MAP2: variants seen among roughly 807,000 people sequenced by gnomAD.
The protein encoded by MAP2 is microtubule associated protein 2.
MAP2 carries 14 observed loss-of-function variants against 137.6 expected under a neutral mutation model. The observed-to-expected ratio is 0.10, with a 90% CI of 0.07 to 0.16. The LOEUF is 0.16. MAP2 is among the 10% of genes least tolerant of loss of function. The pLI, the probability that MAP2 is intolerant of heterozygous loss-of-function variation, is 1.00. For synonymous variants in MAP2, 786 were observed against 782.3 expected, an observed-to-expected ratio of 1.00 and a Z score of -0.08; for missense variants, 2,088 against 2,191.5, an observed-to-expected ratio of 0.95 and a Z score of 0.94.
Position 209,705,686 on chromosome 2 carries a change from C to T in MAP2, c.4691C>T (p.Ser1564Phe). The T allele has an allele frequency of 1.2e-6, 2 of 1,613,208 alleles. No individual in the cohort carries two copies. Among genetic ancestry groups the T allele is most frequent in the South Asian group, 1.1e-5 (1 of 91,052 alleles). ...VSGDRDENSFSLNSSISSSAR... is the reference protein window; with the variant it reads ...VSGDRDENSFFLNSSISSSAR... ...GGAGACAGAGATGAGAATTCCTTCT[C>T]TCTCAACAGTTCTATCTCTTCTTCA... The change falls in exon 12 of 16, where the codon TCT becomes TTT. Residue 1564 changes from serine (S) to phenylalanine (F), a missense_variant. Transcript: ENST00000682079.
intron 11 of MAP2, among the ~76,000 whole-genome samples, chr2:209,702,069 T>A (rs2153737512): frequency 6.6e-6 from 1 of 152,250 alleles, no homozygotes; most frequent in South Asian, 2.1e-4. Context: ...TAATAGTTGT[T>A]AGTTATTATT....
rs1876796 is a variant in MAP2, at chr2:209,649,189, A to T, written c.-29-3953A>T. On this transcript the variant is annotated intron_variant, in intron 4 of 15. Coordinates refer to ENST00000682079, the MANE Select transcript of MAP2 (RefSeq NM_001375505.1). Reference sequence around the variant, plus strand: ...GCTGCACCCAGCTAATTAAAAAAAAATTTTTTTGTAGAGATGGGGGTCTCA... The same window carrying T: ...GCTGCACCCAGCTAATTAAAAAAAATTTTTTTTGTAGAGATGGGGGTCTCA... 1.1e-3 allele frequency among the ~76,000 whole-genome samples: 159 copies of T among 145,236 alleles called. No homozygotes were observed. The Middle Eastern group carries it at 0.014, about 13-fold the overall frequency.
intron 2 of MAP2, among the ~76,000 whole-genome samples, chr2:209,568,852 A>G (rs1417471734): frequency 4.0e-5 from 6 of 151,796 alleles, no homozygotes; most frequent in Non-Finnish European, 8.9e-5. Context: ...CTAAATAAAA[A>G]TTTTATTTAG....
chr2:209,701,020 A>G (rs1300395212), intron 11 of MAP2, among the ~76,000 whole-genome samples: 2 of 152,026 alleles, frequency 1.3e-5, no homozygotes, highest in Non-Finnish European at 2.9e-5. Context: ...TTTTGTTGGT[A>G]TTTTAACAAT....
chr2:209,483,477 G>C lies in MAP2; in HGVS notation c.-221-24115G>C, dbSNP rs2057981053. ...TAGACCCAGCTAGTCAAGAAGCTGA[G>C]GCTGGAGGATCCTTTGAGACTACTA... On this transcript the variant is annotated intron_variant, in intron 1 of 15. Transcript: ENST00000682079. Among the ~76,000 whole-genome samples the C allele has an allele frequency of 2.0e-5, 3 of 152,220 alleles. No individual in the cohort carries two copies. In the South Asian group the frequency reaches 6.2e-4, roughly 32 times the overall value.
chr2:209,603,053 C>A (rs1406511685), intron 3 of MAP2, among the ~76,000 whole-genome samples: 1 of 152,082 alleles, frequency 6.6e-6, no homozygotes, highest in African/African-American at 2.4e-5. Flanking sequence ...AGAGATAAAG[C>A]ATTCATAAGA....
chr2:209,651,876 T>G (rs1206537972), intron 4 of MAP2, among the ~76,000 whole-genome samples: 13 of 152,210 alleles, frequency 8.5e-5, no homozygotes, highest in Admixed American at 8.5e-4. Flanking sequence ...TGCTTGTTAG[T>G]AATCTGATGG....
chr2:209,463,733 A>G (rs1283593333), intron 1 of MAP2, among the ~76,000 whole-genome samples: 1 of 152,188 alleles, frequency 6.6e-6, no homozygotes, highest in African/African-American at 2.4e-5. Context: ...ACTGTTGCTA[A>G]AAGAAATCAT....
intron 11 of MAP2, among the ~76,000 whole-genome samples, chr2:209,703,000 C>T (rs985786161): frequency 1.3e-5 from 2 of 152,068 alleles, no homozygotes; most frequent in African/African-American, 2.4e-5. Context: ...ACATATGGCA[C>T]GCTGGCATAG....
intron 4 of MAP2, among the ~76,000 whole-genome samples, chr2:209,650,003 T>A (rs2094675609): frequency 2.0e-5 from 3 of 152,212 alleles, no homozygotes; most frequent in African/African-American, 7.2e-5. Context: ...ATAATATTTT[T>A]AAATGGATGA....
rs938342675 is a variant in MAP2 at position 209,424,271 on chromosome 2, G to T, written c.-227G>T. The T allele has an allele frequency of 6.6e-6, 1 of 152,306 alleles. No individual in the cohort carries two copies. Among genetic ancestry groups the T allele is most frequent in the Non-Finnish European group, 1.5e-5 (1 of 68,276 alleles). 9.4% of individuals were successfully genotyped at this position (152,306 alleles called of 1,614,324 possible). ...GACCGCGGGTGCATCCAGTTTCTGC[G>T]CCCAGGTAAGAGACCGTCCCCACCT... On this transcript the variant is annotated 5_prime_UTR_variant, in exon 1 of 16. Coordinates refer to ENST00000682079, the MANE Select transcript of MAP2 (RefSeq NM_001375505.1).
chr2:209,634,235 A>G (rs996972848), intron 4 of MAP2, among the ~76,000 whole-genome samples: 3 of 152,166 alleles, frequency 2.0e-5, no homozygotes, highest in African/African-American at 7.2e-5. Context: ...GTTTCATTTA[A>G]TCCTGCTACT....
intron 1 of MAP2, among the ~76,000 whole-genome samples, chr2:209,451,503 C>T (rs1700304363): frequency 6.6e-6 from 1 of 152,170 alleles, no homozygotes; most frequent in African/African-American, 2.4e-5. Context: ...GGTCTGTTTA[C>T]ACTGTTCCCT....
chr2:209,647,175 C>T (rs1258688672), intron 4 of MAP2, among the ~76,000 whole-genome samples: 1 of 151,978 alleles, frequency 6.6e-6, no homozygotes, highest in Admixed American at 6.6e-5. Context: ...AGGACAGTAC[C>T]AAGGGGGATG....
At chr2:209,675,529 G>A (rs2050943356) in intron 5 of MAP2, among the ~76,000 whole-genome samples, 1 of 151,632 alleles carries the variant, frequency 6.6e-6, no homozygotes, top group Non-Finnish European at 1.5e-5. Flanking sequence ...TTTTTTCTCT[G>A]TTTCAATGAT....
intron 1 of MAP2, among the ~76,000 whole-genome samples, chr2:209,434,922 A>G (rs13025538): frequency 7.5e-6 from 1 of 133,738 alleles, no homozygotes. Context: ...TATATATGTT[A>G]TATATATATG....
At chr2:209,436,871 C>T (rs550694798) in intron 1 of MAP2, among the ~76,000 whole-genome samples, 4 of 151,674 alleles carry the variant, frequency 2.6e-5, no homozygotes, top group South Asian at 2.1e-4. Context: ...TTTCATGCAT[C>T]GTTTTCTTAT....
intron 3 of MAP2, among the ~76,000 whole-genome samples, chr2:209,611,219 C>G (rs890489552): frequency 2.6e-5 from 4 of 151,970 alleles, no homozygotes; most frequent in African/African-American, 9.7e-5. Flanking sequence ...AGATCATACT[C>G]AGGGATTATA....
chr2:209,679,418 G>T (rs199702531), intron 6 of MAP2, among the ~76,000 whole-genome samples: 1 of 144,596 alleles, frequency 6.9e-6, no homozygotes, highest in Non-Finnish European at 1.5e-5. Context: ...GATAGATAGA[G>T]AGATGGATGT....
Sources: gnomAD v4.1 joint callset for allele counts (sites outside exome capture counted in the v4.1 genomes callset) on GRCh38, gnomAD v4.1.1 for gene constraint, MANE v1.5 for transcripts, NCBI Gene and HGNC (gene_info 2026-07-23, HGNC 2026-07-21) for gene names.